The following SGO2 variants were observed in gnomAD, a reference collection of about 807,000 sequenced individuals.
The protein encoded by SGO2 is shugoshin-like 2.
A neutral mutation model predicts 99.5 loss-of-function variants in SGO2; 68 were observed. The observed-to-expected ratio is 0.68, with a 90% CI of 0.56 to 0.84. The LOEUF (loss-of-function observed/expected upper bound fraction) is 0.84, where lower values mean the gene tolerates loss of function less well. Among genes scored for constraint, SGO2 ranks in the 40% least tolerant of loss-of-function variants. The pLI is 0.00. For synonymous variants in SGO2, 457 were observed against 487.1 expected (o/e 0.94, Z 0.81); for missense variants, 1,350 against 1,436.7 (o/e 0.94, Z 0.97).
At chr2:200,567,054 C>A (rs1399602309) in intron 5 of SGO2, among the ~76,000 whole-genome samples, 1 of 152,232 alleles carries the variant, frequency 6.6e-6, no homozygotes, top group Non-Finnish European at 1.5e-5. Flanking sequence ...TCAGTTCACA[C>A]TCCGTGGGCT....
chr2:200,544,382 AGTG>A (rs573677938), intron 5 of SGO2, among the ~76,000 whole-genome samples: 189 of 152,290 alleles, frequency 1.2e-3, no homozygotes, highest in African/African-American at 4.4e-3. Context: ...GCCGGGTTCA[AGTG>A]ATCCTCCTGC....
chr2:200,555,237 G>A (rs1099017), intron 5 of SGO2, among the ~76,000 whole-genome samples: 38,335 of 151,940 alleles, frequency 0.25, 4,973 homozygotes, highest in South Asian at 0.33. Context: ...TTATTTAAGC[G>A]CTTATTATTT....
intron 1 of SGO2, chr2:200,532,265 GTTTTT>G (rs199785070): frequency 4.5e-6 from 2 of 443,854 alleles, no homozygotes; most frequent in African/African-American, 6.4e-5. Context: ...AGGTGACAGA[GTTTTT>G]TGTTTTTTTT....
At chr2:200,533,296 C>T (rs1301585198) in intron 2 of SGO2, 188 bp downstream of exon 2, 4 of 515,938 alleles carry the variant, frequency 7.8e-6, no homozygotes, top group Non-Finnish European at 1.3e-5. Context: ...TGATGATTTA[C>T]CCTAAGTGTG....
chr2:200,561,523 G>A (rs2032967983), intron 5 of SGO2, among the ~76,000 whole-genome samples: 1 of 152,184 alleles, frequency 6.6e-6, no homozygotes, highest in Non-Finnish European at 1.5e-5. Context: ...AAACATACGT[G>A]TGCATGTGTC....
chr2:200,543,552 C>T (rs2032064551), intron 5 of SGO2: 1 of 152,148 alleles, frequency 6.6e-6, no homozygotes, highest in Non-Finnish European at 1.5e-5. Context: ...AATGCTTTTA[C>T]TTAAGTGCAC....
chr2:200,533,897 T>A (rs551600357), intron 2 of SGO2, among the ~76,000 whole-genome samples: 1 of 152,130 alleles, frequency 6.6e-6, no homozygotes, highest in South Asian at 2.1e-4. Flanking sequence ...GCTTACTCCC[T>A]TTGGCAAGAC....
intron 3 of SGO2, among the ~76,000 whole-genome samples, chr2:200,535,499 G>A (rs2031650605): frequency 6.6e-6 from 1 of 152,092 alleles, no homozygotes; most frequent in African/African-American, 2.4e-5. Flanking sequence ...TGAAAGGAAA[G>A]GAATTCCCAG....
At chr2:200,560,861 G>C (rs1252257200) in intron 5 of SGO2, among the ~76,000 whole-genome samples, 1 of 152,140 alleles carries the variant, frequency 6.6e-6, no homozygotes, top group Admixed American at 6.6e-5. Flanking sequence ...ATTCACAAGA[G>C]AAGTAATTTG....
chr2:200,551,370 G>A (rs2106323979), intron 5 of SGO2, among the ~76,000 whole-genome samples: 1 of 152,182 alleles, frequency 6.6e-6, no homozygotes, highest in East Asian at 1.9e-4. Flanking sequence ...AATAAACCAA[G>A]CACCAAAAGG....
chr2:200,582,896 G>A (rs537633383), intron 8 of SGO2, among the ~76,000 whole-genome samples: 7 of 152,178 alleles, frequency 4.6e-5, no homozygotes, highest in East Asian at 1.9e-4. Context: ...CCTACAGTAC[G>A]ATTCCATTTA....
At chr2:200,546,021 C>T (rs1381407901) in intron 5 of SGO2, among the ~76,000 whole-genome samples, 1 of 152,108 alleles carries the variant, frequency 6.6e-6, no homozygotes, top group Non-Finnish European at 1.5e-5. Flanking sequence ...GTGTGAACTC[C>T]TAGCCAGCCT....
At chr2:200,540,186 T>G (rs1346106834) in intron 4 of SGO2, among the ~76,000 whole-genome samples, 2 of 152,224 alleles carry the variant, frequency 1.3e-5, no homozygotes, top group Non-Finnish European at 2.9e-5. Context: ...AATTCCAACA[T>G]TTGTGTCATC....
chr2:200,543,546 C>T (rs1167720938), intron 5 of SGO2: 3 of 152,072 alleles, frequency 2.0e-5, no homozygotes, highest in Admixed American at 6.6e-5. Flanking sequence ...AGATTTAATG[C>T]TTTTACTTAA....
In SGO2 at chr2:200,572,070, C is replaced by T. The variant is rs922968919; in HGVS notation, c.1724C>T (p.Thr575Ile). The T allele has an allele frequency of 3.7e-6, 6 of 1,613,316 alleles. No individual in the cohort carries two copies. The East Asian group carries it at 8.9e-5, about 24-fold the overall frequency. ...TNEFHTANLS[T>I]KDNGNLCDYG... is the part of the protein sequence containing the mutation. The stretch of plus-strand genomic sequence containing the variant: ...GAATTTCACACAGCCAATCTTTCCA[C>T]CAAAGATAATGGAAATTTATGTGAT... Residue 575 changes from threonine (T) to isoleucine (I), a missense_variant, in exon 7 of 9, where the codon ACC becomes ATC. By Grantham distance (89) the Thr-to-Ile change is moderately conservative. Transcript: ENST00000357799.
intron 2 of SGO2, among the ~76,000 whole-genome samples, chr2:200,533,547 G>GTGTGTGTGTA (rs1396628320): frequency 0.11 from 15,302 of 142,888 alleles, 804 homozygotes; most frequent in African/African-American, 0.13. Context: ...GTGTGTGTGT[G>GTGTGTGTGTA]TATACATGTG....
Position 200,547,987 on chromosome 2 carries a change from C to T in SGO2, c.473+5323C>T, listed in dbSNP as rs565656504. 2.0e-5 allele frequency among the ~76,000 whole-genome samples: 3 copies of T among 151,200 alleles called. No individual in the cohort carries two copies. In the South Asian group the frequency reaches 6.3e-4, roughly 32 times the overall value. The stretch of plus-strand genomic sequence containing the variant: ...ATCTATGCACTCAACACTGCAGCTC[C>T]ATATAAAGCCAACATTACTAGATGT... On this transcript the variant is annotated intron_variant, in intron 5 of 8. Transcript: ENST00000357799.
chr2:200,547,785 T>C (rs114931479), intron 5 of SGO2, among the ~76,000 whole-genome samples: 95 of 152,028 alleles, frequency 6.2e-4, no homozygotes, highest in Non-Finnish European at 1.2e-3. Context: ...AAGACACATA[T>C]AGACAAAGTG....
At chr2:200,531,323 A>G (rs2031369485) in intron 1 of SGO2, among the ~76,000 whole-genome samples, 1 of 152,162 alleles carries the variant, frequency 6.6e-6, no homozygotes, top group Admixed American at 6.5e-5. Flanking sequence ...AAGAGGAGTG[A>G]CCCAGGGATT....
Sources: allele counts gnomAD v4.1 joint callset (sites outside exome capture counted in the v4.1 genomes callset), GRCh38; gene constraint gnomAD v4.1.1; transcripts MANE v1.5; gene names NCBI Gene and HGNC (gene_info 2026-07-23, HGNC 2026-07-21).